NADSYN1: variants seen among roughly 807,000 people sequenced by gnomAD.
The protein encoded by NADSYN1 is NAD synthetase 1.
A neutral mutation model predicts 99.3 loss-of-function variants in NADSYN1; 80 were observed. The ratio of observed to expected loss-of-function variants is 0.81; its 90% CI spans 0.67 to 0.97. The LOEUF (loss-of-function observed/expected upper bound fraction) is 0.97. Among genes scored for constraint, NADSYN1 ranks in the 50% least tolerant of loss-of-function variants. NADSYN1 has a pLI of 0.00. For synonymous variants in NADSYN1, 385 were observed against 372.1 expected (o/e 1.03, Z -0.40); for missense variants, 859 against 948.5 (o/e 0.91, Z 1.24).
Position 71,478,470 on chromosome 11 carries a change from G to T in NADSYN1, c.873+1G>T. ...GGAGATTTCATCTCGAAACCTGGCG[G>T]TGAGTGCTCCAGTAGACACCTGTGT... On this transcript the variant is annotated splice_donor_variant, in intron 10 of 20. Coordinates refer to ENST00000319023, the MANE Select transcript of NADSYN1 (RefSeq NM_018161.5). LOFTEE classifies it high-confidence loss of function. 6.2e-7 allele frequency: 1 copy of T among 1,600,260 alleles called. No individual in the cohort carries two copies. The highest frequency in any genetic ancestry group is 8.5e-7 in the Non-Finnish European group (1 of 1,173,166).
chr11:71,472,158 C>T (rs540391260), intron 5 of NADSYN1, among the ~76,000 whole-genome samples: 2 of 152,340 alleles, frequency 1.3e-5, no homozygotes, highest in Admixed American at 6.5e-5. Context: ...AGCAAATCCC[C>T]TGTGACACAT....
chr11:71,484,544 G>A (rs1490030937), intron 15 of NADSYN1, 97 bp downstream of exon 15: 3 of 1,466,468 alleles, frequency 2.0e-6, no homozygotes, highest in Admixed American at 2.2e-5. Flanking sequence ...CTGGGCCATC[G>A]TCTCCATGAA....
Position 71,485,427 on chromosome 11 carries a change from C to T in NADSYN1, c.1456-115C>T, listed in dbSNP as rs188293057. 1.7e-3 allele frequency: 1,320 copies of T among 782,702 alleles called. 4 individuals are homozygous for T. Among genetic ancestry groups the T allele is most frequent in the Non-Finnish European group, 1.7e-3 (828 of 501,416 alleles). The allele number at this position is 782,702 out of a possible 1,614,324, so 48.5% of individuals were successfully genotyped here. On this transcript the variant is annotated intron_variant, in intron 15 of 20. Transcript: ENST00000319023. ...CTCTGAGACTCTGATGTTCCCCGAA[C>T]GCTAGAGAGCTCCTAAGCTATTTTA...
In NADSYN1 at chr11:71,453,605, A is replaced by G. The variant is rs188599304; in HGVS notation, c.85+224A>G. ...CCCGGGGACGAGCGATATACAAGGCACGGTTAAGAAAAGTCTGGCGGCTTA... is the reference window on the plus strand; with the variant it reads ...CCCGGGGACGAGCGATATACAAGGCGCGGTTAAGAAAAGTCTGGCGGCTTA... On this transcript the variant is annotated intron_variant, in intron 1 of 20. Coordinates refer to ENST00000319023, the MANE Select transcript of NADSYN1 (RefSeq NM_018161.5). Among the ~76,000 whole-genome samples the G allele has an allele frequency of 4.5e-3, 689 of 152,274 alleles. 5 individuals carry two copies. Among genetic ancestry groups the G allele is most frequent in the Middle Eastern group, 0.017 (5 of 294 alleles).
At chr11:71,471,122 C>T (rs1267257698) in intron 5 of NADSYN1, among the ~76,000 whole-genome samples, 1 of 152,258 alleles carries the variant, frequency 6.6e-6, no homozygotes, top group African/African-American at 2.4e-5. Flanking sequence ...GGCTCCTGTT[C>T]CTTCTTCCCC....
chr11:71,480,488 A>C (rs1186634025), intron 10 of NADSYN1, among the ~76,000 whole-genome samples: 1 of 152,092 alleles, frequency 6.6e-6, no homozygotes, highest in Non-Finnish European at 1.5e-5. Context: ...TTAGCCTTTG[A>C]GGAGCTGCCA....
At position 71,481,393 on chromosome 11, in the gene NADSYN1, C is replaced by T. The variant is rs59379414; in HGVS notation, c.1036C>T (p.Arg346Ter). The T allele has an allele frequency of 1.1e-5, 17 of 1,613,694 alleles. No homozygotes were observed. Among genetic ancestry groups the T allele is most frequent in the Admixed American group, 3.3e-5 (2 of 59,980 alleles). The stretch of plus-strand genomic sequence containing the variant: ...CTGCTGGCTCTGGGATTTTTTAAGA[C>T]GAAGTCAACAGGTAAGACTTCCAGT... ...PACWLWDFLR[R>*]SQQAGFLLPL... is the part of the protein sequence containing the mutation. The change falls in exon 12 of 21, where the codon CGA becomes TGA. Residue 346 changes from arginine (R) to a stop codon, truncating the protein, a stop_gained. Coordinates refer to ENST00000319023, the MANE Select transcript of NADSYN1 (RefSeq NM_018161.5). LOFTEE classifies it high-confidence loss of function.
At chr11:71,474,803 T>A in intron 9 of NADSYN1, 1 of 428,718 alleles carries the variant, frequency 2.3e-6, no homozygotes, top group Non-Finnish European at 4.4e-6. Flanking sequence ...CCTGCTCTGA[T>A]GGCCTCAAAT....
intron 15 of NADSYN1, chr11:71,484,775 C>G: frequency 6.3e-6 from 2 of 319,802 alleles, no homozygotes; most frequent in Admixed American, 4.2e-5. Flanking sequence ...GTGTCTGAGC[C>G]TGAGTGTGAG....
intron 6 of NADSYN1, among the ~76,000 whole-genome samples, chr11:71,472,866 C>A (rs1003026092): frequency 6.6e-6 from 1 of 152,216 alleles, no homozygotes; most frequent in Admixed American, 6.5e-5. Context: ...ATTTTGAATT[C>A]TAAGGGAAGG....
intron 5 of NADSYN1, 137 bp downstream of exon 5, chr11:71,464,279 A>T: frequency 1.4e-6 from 1 of 693,014 alleles, no homozygotes; most frequent in South Asian, 2.0e-5. Context: ...ATGGGACAAA[A>T]AGCACAAAGA....
chr11:71,480,940 G>A, intron 11 of NADSYN1, 61 bp downstream of exon 11: 1 of 1,598,850 alleles, frequency 6.3e-7, no homozygotes, highest in Non-Finnish European at 8.6e-7. Flanking sequence ...CCCTGGGGTG[G>A]GGACTCCTGG....
intron 3 of NADSYN1, among the ~76,000 whole-genome samples, chr11:71,461,692 G>A (rs946285693): frequency 6.6e-6 from 1 of 152,168 alleles, no homozygotes; most frequent in East Asian, 1.9e-4. Context: ...CTCCCAAAGT[G>A]CTGGGATTAC....
intron 18 of NADSYN1, 97 bp downstream of exon 18, chr11:71,492,000 A>T (rs573588733): frequency 1.7e-6 from 2 of 1,168,094 alleles, no homozygotes; most frequent in Non-Finnish European, 2.4e-6. Context: ...ACCCCAGGAC[A>T]GCTGCATCGC....
intron 13 of NADSYN1, 110 bp from the exon 14 acceptor site, chr11:71,482,739 A>G: frequency 1.6e-6 from 2 of 1,287,082 alleles, no homozygotes; most frequent in South Asian, 1.5e-5. Context: ...CTGGGGGTGT[A>G]GACCGGGGTG....
At chr11:71,483,719 C>G (rs1949724308) in intron 14 of NADSYN1, among the ~76,000 whole-genome samples, 1 of 152,154 alleles carries the variant, frequency 6.6e-6, no homozygotes, top group Admixed American at 6.5e-5. Context: ...GAAACAGGGA[C>G]CCGAACAGAT....
intron 2 of NADSYN1, 54 bp from the exon 3 acceptor site, chr11:71,458,374 C>A: frequency 7.1e-7 from 1 of 1,400,672 alleles, no homozygotes; most frequent in Non-Finnish European, 1.0e-6. Flanking sequence ...AGGCCCTGCC[C>A]CTCCCCGCTC....
intron 9 of NADSYN1, chr11:71,476,023 GT>G (rs772070492): frequency 8.8e-6 from 4 of 456,220 alleles, no homozygotes; most frequent in East Asian, 6.9e-5. Context: ...CTCTCTTTCT[GT>G]TTTTGAAGCA....
rs1425351763 is a variant in NADSYN1 at position 71,484,359 on chromosome 11, G to A, written c.1367G>A (p.Gly456Asp). 2 of 1,614,094 alleles carry A rather than the reference G, an allele frequency of 1.2e-6. No homozygotes were observed. The highest frequency in any genetic ancestry group is 1.3e-5 in the African/African-American group (1 of 74,950). The change falls in exon 15 of 21, where the codon GGC (glycine) becomes GAC (aspartate). Residue 456 changes from glycine to aspartate, a missense_variant. Coordinates refer to ENST00000319023, the MANE Select transcript of NADSYN1 (RefSeq NM_018161.5). ...GATCCAGCCGTGAAGGCCGTCATGG[G>A]CATCTTCAGCCTGGTGACGGGGAAG... is the stretch of plus-strand genomic sequence containing the variant. ...NIDPAVKAVM[G>D]IFSLVTGKSP... is the part of the protein sequence containing the mutation.
Sources: gnomAD v4.1 joint callset for allele counts (sites outside exome capture counted in the v4.1 genomes callset) on GRCh38, gnomAD v4.1.1 for gene constraint, MANE v1.5 for transcripts, NCBI Gene and HGNC (gene_info 2026-07-23, HGNC 2026-07-21) for gene names.